The following COG5 variants were observed in gnomAD, a reference collection of about 807,000 sequenced individuals.
The protein encoded by COG5 is conserved oligomeric Golgi complex subunit 5.
Under a neutral mutation model 110.4 loss-of-function variants are expected in COG5, and 86 were observed. The ratio of observed to expected loss-of-function variants is 0.78; its 90% CI spans 0.65 to 0.93. The LOEUF (loss-of-function observed/expected upper bound fraction) is 0.93. Ranked by LOEUF, COG5 falls within the 40% of genes least tolerant of loss-of-function variation. COG5 has a pLI of 0.00. For missense variants in COG5, 1,077 were observed against 987.0 expected, an observed-to-expected ratio of 1.09 and a Z score of -1.22; for synonymous variants, 360 against 334.6, an observed-to-expected ratio of 1.08 and a Z score of -0.83.
Position 107,380,037 on chromosome 7 carries a change from C to T in COG5, c.670-7277G>A, listed in dbSNP as rs966397669. Among the ~76,000 whole-genome samples, 3 of 152,180 alleles carry T rather than the reference C, an allele frequency of 2.0e-5. No homozygotes were observed. The South Asian group carries it at 6.2e-4, about 32-fold the overall frequency. ...CCACATAATTGGAAGTAAAACACTG[C>T]TCAGCAAATGCAAAAGAACGGAAAT... On this transcript the variant is annotated intron_variant, in intron 7 of 21. Coordinates refer to ENST00000297135, the MANE Select transcript of COG5 (RefSeq NM_006348.5).
chr7:107,393,470 C>T (rs1790770121), intron 7 of COG5, among the ~76,000 whole-genome samples: 1 of 152,122 alleles, frequency 6.6e-6, no homozygotes, highest in South Asian at 2.1e-4. Context: ...GCCTTTAGAC[C>T]TACTGATTTT....
rs1249957096 is a variant in COG5, at chr7:107,527,414, T to C, written c.418-57A>G. ...ATCCATGAAGTTTTATTACTATTAATAAATAGTAATAACAAGCACAGTGGG... is the reference window on the plus strand; with the variant it reads ...ATCCATGAAGTTTTATTACTATTAACAAATAGTAATAACAAGCACAGTGGG... On this transcript the variant is annotated intron_variant, in intron 5 of 21. Coordinates refer to ENST00000297135, the MANE Select transcript of COG5 (RefSeq NM_006348.5). The C allele has an allele frequency of 1.9e-6, 3 of 1,583,778 alleles. No homozygotes were observed. The Admixed American group carries it at 5.0e-5, about 27-fold the overall frequency.
chr7:107,445,703 G>T (rs1229960713), intron 6 of COG5, among the ~76,000 whole-genome samples: 1 of 152,136 alleles, frequency 6.6e-6, no homozygotes, highest in African/African-American at 2.4e-5. Flanking sequence ...AAAATATTGT[G>T]ATGACTAAAA....
intron 5 of COG5, among the ~76,000 whole-genome samples, chr7:107,543,879 C>T (rs186639017): frequency 6.6e-6 from 1 of 152,114 alleles, no homozygotes; most frequent in African/African-American, 2.4e-5. Context: ...CAGAACCTGG[C>T]CTCCTCTGGC....
At chr7:107,304,165 A>G (rs1033466660) in intron 11 of COG5, among the ~76,000 whole-genome samples, 14 of 152,190 alleles carry the variant, frequency 9.2e-5, no homozygotes. Flanking sequence ...AATTCACTGC[A>G]AAAAGAACCC....
intron 6 of COG5, among the ~76,000 whole-genome samples, chr7:107,488,278 T>TA (rs1797770977): frequency 6.6e-6 from 1 of 151,512 alleles, no homozygotes; most frequent in African/African-American, 2.4e-5. Context: ...TATTATTAAA[T>TA]AAAAAATATA....
intron 6 of COG5, among the ~76,000 whole-genome samples, chr7:107,432,555 G>C (rs552946155): frequency 6.6e-6 from 1 of 152,046 alleles, no homozygotes; most frequent in Non-Finnish European, 1.5e-5. Flanking sequence ...AAATGCAATC[G>C]TTTCAGTGTA....
At chr7:107,350,929 T>C (rs1329990432) in intron 10 of COG5, among the ~76,000 whole-genome samples, 1 of 152,202 alleles carries the variant, frequency 6.6e-6, no homozygotes, top group African/African-American at 2.4e-5. Flanking sequence ...ATTTTATCTT[T>C]ACATGTATCT....
chr7:107,541,520 AAAAATATATAT>A (rs1802009904), intron 5 of COG5, among the ~76,000 whole-genome samples: 1 of 119,156 alleles, frequency 8.4e-6, no homozygotes, highest in Non-Finnish European at 1.8e-5. Context: ...AAAAAAAAAA[AAAAATATATAT>A]ATATATATAT....
intron 6 of COG5, among the ~76,000 whole-genome samples, chr7:107,441,826 A>G (rs1794722968): frequency 6.6e-6 from 1 of 152,220 alleles, no homozygotes; most frequent in African/African-American, 2.4e-5. Context: ...CACTTCACTA[A>G]AAGAGTTTAA....
Position 107,271,110 on chromosome 7 carries a change from G to C in COG5, c.1575+10190C>G, listed in dbSNP as rs567160528. Among the ~76,000 whole-genome samples, 11 of 151,866 alleles carry C rather than the reference G, an allele frequency of 7.2e-5. No individual in the cohort carries two copies. The South Asian group carries it at 2.3e-3, about 32-fold the overall frequency. ...AAAAAGTGTCTTGATTGCCAGGTGT[G>C]GTAACTCATGCCTGAAATCTCAGCT... On this transcript the variant is annotated intron_variant, in intron 14 of 21. Coordinates refer to ENST00000297135, the MANE Select transcript of COG5 (RefSeq NM_006348.5).
intron 6 of COG5, among the ~76,000 whole-genome samples, chr7:107,434,263 T>C (rs913819336): frequency 5.9e-5 from 9 of 152,088 alleles, no homozygotes; most frequent in Admixed American, 1.3e-4. Context: ...ATATAGACCT[T>C]CCTGGAAAAA....
intron 12 of COG5, among the ~76,000 whole-genome samples, chr7:107,288,907 G>GAC (rs1805886225): frequency 1.9e-4 from 18 of 94,148 alleles, no homozygotes; most frequent in African/African-American, 6.5e-4. Context: ...TTCTAACAGA[G>GAC]ATATATATAT....
intron 6 of COG5, among the ~76,000 whole-genome samples, chr7:107,450,546 G>A (rs1381833569): frequency 6.6e-6 from 1 of 152,096 alleles, no homozygotes; most frequent in African/African-American, 2.4e-5. Context: ...TTTTTAATGT[G>A]GACAAAAGTA....
intron 6 of COG5, among the ~76,000 whole-genome samples, chr7:107,448,048 T>A (rs1487213108): frequency 6.6e-6 from 1 of 152,018 alleles, no homozygotes; most frequent in Admixed American, 6.6e-5. Flanking sequence ...CCCAGCTACA[T>A]GGGAGGCTGA....
rs542889461 is a variant in COG5 at position 107,539,129 on chromosome 7, T to G, written c.417+8982A>C. Among the ~76,000 whole-genome samples, 437 of 151,432 alleles carry G rather than the reference T, an allele frequency of 2.9e-3. 3 individuals are homozygous for G. Among genetic ancestry groups the G allele is most frequent in the African/African-American group, 9.9e-3 (408 of 41,262 alleles). ...ACACTGTCTAAAAAAAATTAAAATT[T>G]AAAAAAAAATTAGCTGGGCATGGTG... On this transcript the variant is annotated intron_variant, in intron 5 of 21. Transcript: ENST00000297135.
intron 6 of COG5, among the ~76,000 whole-genome samples, chr7:107,428,585 C>A (rs1040465231): frequency 1.3e-5 from 2 of 152,216 alleles, no homozygotes; most frequent in African/African-American, 4.8e-5. Flanking sequence ...TTACTTCAAA[C>A]TTCTAGCCTC....
At chr7:107,340,587 A>G (rs1349320534) in intron 10 of COG5, among the ~76,000 whole-genome samples, 1 of 152,160 alleles carries the variant, frequency 6.6e-6, no homozygotes, top group Non-Finnish European at 1.5e-5. Context: ...ACAAAAGAAA[A>G]CCACCAGACA....
intron 10 of COG5, among the ~76,000 whole-genome samples, chr7:107,345,371 G>A (rs1811510051): frequency 6.6e-6 from 1 of 152,136 alleles, no homozygotes; most frequent in African/African-American, 2.4e-5. Context: ...GCTTGATGCA[G>A]AATTGTCACT....
Sources: gnomAD v4.1 joint callset for allele counts (sites outside exome capture counted in the v4.1 genomes callset) on GRCh38, gnomAD v4.1.1 for gene constraint, MANE v1.5 for transcripts, NCBI Gene and HGNC (gene_info 2026-07-23, HGNC 2026-07-21) for gene names.